Variants in RTN4RL1 observed in about 807,000 individuals in gnomAD.
RTN4RL1 encodes the protein reticulon-4 receptor-like 1.
A neutral mutation model predicts 25.6 loss-of-function variants in RTN4RL1; 7 were observed. That is an observed-to-expected ratio of 0.27 (90% CI 0.16 to 0.51). The LOEUF is 0.51. Ranked by LOEUF, RTN4RL1 falls within the 20% of genes least tolerant of loss-of-function variation. The pLI is 0.97. For synonymous variants in RTN4RL1, 297 were observed against 288.2 expected, an observed-to-expected ratio of 1.03 and a Z score of -0.31; for missense variants, 500 against 615.6, an observed-to-expected ratio of 0.81 and a Z score of 1.99.
chr17:2,024,726 G>T, intron 1 of RTN4RL1, 127 bp downstream of exon 1: 2 of 933,514 alleles, frequency 2.1e-6, no homozygotes, highest in Non-Finnish European at 3.1e-6. Context: ...GGGTGCGCCC[G>T]GCAAAACCCA....
intron 1 of RTN4RL1, among the ~76,000 whole-genome samples, chr17:1,970,485 C>T (rs976911951): frequency 2.6e-5 from 4 of 152,224 alleles, no homozygotes; most frequent in African/African-American, 7.2e-5. Context: ...GCATTCTACC[C>T]GTTAGATCCA....
At position 1,958,343 on chromosome 17, in the gene RTN4RL1, G is replaced by A. The variant is rs190736517; in HGVS notation, c.14-20535C>T. 4.7e-4 allele frequency among the ~76,000 whole-genome samples: 71 copies of A among 151,816 alleles called. No homozygotes were observed. In the East Asian group the frequency reaches 0.013, roughly 29 times the overall value. On this transcript the variant is annotated intron_variant, in intron 1 of 1. Transcript: ENST00000331238. The stretch of plus-strand genomic sequence containing the variant: ...CACAGAGACCCCTCTCCCAGCATCG[G>A]CCCCCGCCAGTGCCCCACCAGGCAC...
At chr17:2,002,453 T>C (rs7220404) in intron 1 of RTN4RL1, among the ~76,000 whole-genome samples, 105,873 of 147,630 alleles carry the variant, frequency 0.72, 38,093 homozygotes, top group African/African-American at 0.77. Context: ...CCACCTCGCC[T>C]GGCTAATTTT....
At chr17:1,996,987 C>T (rs2066932319) in intron 1 of RTN4RL1, among the ~76,000 whole-genome samples, 1 of 152,208 alleles carries the variant, frequency 6.6e-6, no homozygotes, top group Non-Finnish European at 1.5e-5. Context: ...GGGGACCAGC[C>T]ACCCTTGTGT....
intron 1 of RTN4RL1, among the ~76,000 whole-genome samples, chr17:2,005,199 G>T (rs970307877): frequency 6.6e-6 from 1 of 151,894 alleles, no homozygotes; most frequent in Non-Finnish European, 1.5e-5. Context: ...TGGAGATGTG[G>T]TCTCACTATG....
At chr17:1,963,248 G>A (rs544567916) in intron 1 of RTN4RL1, among the ~76,000 whole-genome samples, 3 of 152,190 alleles carry the variant, frequency 2.0e-5, no homozygotes, top group Admixed American at 6.5e-5. Context: ...CCCTCTGGGC[G>A]TAGAGCTGTC....
chr17:1,936,121 G>A lies in RTN4RL1; in HGVS notation c.*375C>T. 1 of 1,042,286 alleles carries A rather than the reference G, an allele frequency of 9.6e-7. No individual in the cohort carries two copies. The highest frequency in any genetic ancestry group is 1.2e-6 in the Non-Finnish European group (1 of 866,428). 64.6% of individuals were successfully genotyped at this position (1,042,286 alleles called of 1,614,324 possible). A position where few individuals can be genotyped will look rare whatever the true frequency, so the allele number is the denominator to read the frequency against. On this transcript the variant is annotated 3_prime_UTR_variant, in exon 2 of 2. Coordinates refer to ENST00000331238, the MANE Select transcript of RTN4RL1 (RefSeq NM_178568.4). ...TCCTGCTTTCTCCAGGAACCACGGG[G>A]CCCTCCAGACCTCTCGGAACGATCG...
At chr17:2,015,375 C>T (rs2067107090) in intron 1 of RTN4RL1, among the ~76,000 whole-genome samples, 1 of 152,118 alleles carries the variant, frequency 6.6e-6, no homozygotes, top group African/African-American at 2.4e-5. Context: ...TGGCTCTGGA[C>T]ATCAGAGGCT....
At chr17:1,975,658 A>T (rs980723098) in intron 1 of RTN4RL1, among the ~76,000 whole-genome samples, 6 of 152,104 alleles carry the variant, frequency 3.9e-5, no homozygotes, top group Non-Finnish European at 7.4e-5. Context: ...CTCAAAAAAG[A>T]AAAAGAAAGG....
At chr17:1,946,527 G>A (rs1915544690) in intron 1 of RTN4RL1, among the ~76,000 whole-genome samples, 2 of 151,964 alleles carry the variant, frequency 1.3e-5, no homozygotes, top group African/African-American at 4.8e-5. Context: ...GTGTGATTGT[G>A]TGTCTGTGTG....
chr17:1,995,959 C>T (rs1379350453), intron 1 of RTN4RL1, among the ~76,000 whole-genome samples: 1 of 152,204 alleles, frequency 6.6e-6, no homozygotes, highest in African/African-American at 2.4e-5. Flanking sequence ...CACCTGGATG[C>T]TGTTAGGCGG....
chr17:1,966,829 A>C (rs971638198), intron 1 of RTN4RL1, among the ~76,000 whole-genome samples: 6 of 152,092 alleles, frequency 3.9e-5, no homozygotes, highest in African/African-American at 1.4e-4. Context: ...CCACCACCAA[A>C]GCTCTTCTCC....
intron 1 of RTN4RL1, among the ~76,000 whole-genome samples, chr17:1,950,897 ACTCT>A (rs141257839): frequency 2.1e-5 from 3 of 141,306 alleles, no homozygotes; most frequent in African/African-American, 5.2e-5. Flanking sequence ...ACATACTGAG[ACTCT>A]CTCTCTCTCT....
chr17:1,984,823 C>T (rs1379726236), intron 1 of RTN4RL1, among the ~76,000 whole-genome samples: 1 of 152,028 alleles, frequency 6.6e-6, no homozygotes, highest in African/African-American at 2.4e-5. Flanking sequence ...AAAAATTAGC[C>T]GGGCGTGGTA....
intron 1 of RTN4RL1, among the ~76,000 whole-genome samples, chr17:1,940,442 C>A (rs1915417403): frequency 6.6e-6 from 1 of 152,154 alleles, no homozygotes; most frequent in Non-Finnish European, 1.5e-5. Context: ...CCTCAGTTTC[C>A]CCTCCTACCA....
At chr17:1,974,543 C>A (rs2066834574) in intron 1 of RTN4RL1, among the ~76,000 whole-genome samples, 1 of 152,052 alleles carries the variant, frequency 6.6e-6, no homozygotes, top group Non-Finnish European at 1.5e-5. Context: ...GTGGGTGGGG[C>A]CTAGGGCATC....
rs1475159894 is a variant in RTN4RL1 at position 1,994,363 on chromosome 17, TAC to T, written c.13+30488_13+30489del. Reference sequence around the variant, plus strand: ...CTCCCCTGTGCTGAGCCCACCGTGTTACAGAGGACCTACCAGCTCTCCCAGCC... The same window carrying T: ...CTCCCCTGTGCTGAGCCCACCGTGTTAGAGGACCTACCAGCTCTCCCAGCC... On this transcript the variant is annotated intron_variant, in intron 1 of 1. Transcript: ENST00000331238. The surrounding 1 kb of genome is among the most constrained non-coding windows in gnomAD (Gnocchi z 4.3). Among the ~76,000 whole-genome samples the T allele has an allele frequency of 6.6e-6, 1 of 151,724 alleles. No homozygotes were observed. The highest frequency in any genetic ancestry group is 6.6e-5 in the Admixed American group (1 of 15,126).
rs374647552 is a variant in RTN4RL1 at position 1,946,801 on chromosome 17, GTC to G, written c.14-8995_14-8994del. Among the ~76,000 whole-genome samples the G allele has an allele frequency of 2.1e-3, 295 of 140,548 alleles. 1 individual carries two copies. Among genetic ancestry groups the G allele is most frequent in the African/African-American group, 7.7e-3 (281 of 36,670 alleles). The allele number at this position is 140,548 out of a possible 152,430, so 92.2% of individuals were successfully genotyped here. A position where few individuals can be genotyped will look rare whatever the true frequency, so the allele number is the denominator to read the frequency against. Reference sequence around the variant, plus strand: ...CTGTGTGTGCATGGCGAATGTGTGCGTCTCTGTGTGAATTGTGTGTGCACGGG... The same window carrying G: ...CTGTGTGTGCATGGCGAATGTGTGCGTCTGTGTGAATTGTGTGTGCACGGG... On this transcript the variant is annotated intron_variant, in intron 1 of 1. Coordinates refer to ENST00000331238, the MANE Select transcript of RTN4RL1 (RefSeq NM_178568.4).
intron 1 of RTN4RL1, 141 bp downstream of exon 1, chr17:2,024,712 C>T: frequency 1.4e-6 from 1 of 728,764 alleles, no homozygotes; most frequent in Non-Finnish European, 2.2e-6. Context: ...AGCAGCCCCT[C>T]GGCGGGTGCG....
Sources: gnomAD v4.1 joint callset for allele counts (sites outside exome capture counted in the v4.1 genomes callset) on GRCh38, gnomAD v4.1.1 for gene constraint, Gnocchi (gnomAD v3.1) non-coding constraint, MANE v1.5 for transcripts, NCBI Gene and HGNC (gene_info 2026-07-23, HGNC 2026-07-21) for gene names.